Variants in RNF220 observed in about 807,000 individuals in gnomAD.
RNF220 encodes E3 ubiquitin-protein ligase RNF220.
In RNF220, 7 loss-of-function variants were observed where a neutral mutation model predicts 67.1. The observed-to-expected ratio is 0.10, with a 90% confidence interval of 0.06 to 0.20. The LOEUF is 0.20. Ranked by LOEUF, RNF220 falls within the 10% of genes least tolerant of loss-of-function variation. The pLI, the probability that RNF220 is intolerant of heterozygous loss-of-function variation, is 1.00. For synonymous variants in RNF220, 270 were observed against 283.2 expected (o/e 0.95, Z 0.47); for missense variants, 565 against 740.3 (o/e 0.76, Z 2.75).
intron 2 of RNF220, among the ~76,000 whole-genome samples, chr1:44,563,018 A>G (rs542416546): frequency 1.3e-5 from 2 of 152,344 alleles, no homozygotes; most frequent in South Asian, 4.1e-4. Flanking sequence ...CCCTGTAACC[A>G]AAAAACATGG....
In RNF220 at chr1:44,565,087, C is replaced by T. The variant is rs1179095479; in HGVS notation, c.626-49078C>T. On this transcript the variant is annotated intron_variant, in intron 2 of 14. Transcript: ENST00000361799. The surrounding 1 kb of genome is among the most constrained non-coding windows in gnomAD (Gnocchi z 4.2). Reference sequence around the variant, plus strand: ...CTCCATCCCCTGCGCATAGCATGGGCCTGGCCTTAGGACATGCTTGGTCAG... The same window carrying T: ...CTCCATCCCCTGCGCATAGCATGGGTCTGGCCTTAGGACATGCTTGGTCAG... 6.6e-6 allele frequency among the ~76,000 whole-genome samples: 1 copy of T among 152,186 alleles called. No homozygotes were observed. The highest frequency in any genetic ancestry group is 1.5e-5 in the Non-Finnish European group (1 of 68,042).
intron 2 of RNF220, among the ~76,000 whole-genome samples, chr1:44,597,544 CCCCT>C (rs769258650): frequency 3.6e-4 from 54 of 150,330 alleles, no homozygotes; most frequent in Non-Finnish European, 7.3e-4. Context: ...TCACGCTGTG[CCCCT>C]CCCTCCCATC....
intron 1 of RNF220, 69 bp downstream of exon 1, chr1:44,405,599 C>T: frequency 6.7e-6 from 2 of 299,060 alleles, no homozygotes; most frequent in Non-Finnish European, 1.2e-5. Flanking sequence ...GGGCGGCCGG[C>T]TTGTTCAGGA....
intron 2 of RNF220, among the ~76,000 whole-genome samples, chr1:44,456,836 C>A (rs1029271342): frequency 5.3e-5 from 8 of 152,120 alleles, no homozygotes; most frequent in Admixed American, 1.3e-4. Flanking sequence ...GCCTCATACC[C>A]CTCTGTCTCT....
intron 6 of RNF220, chr1:44,635,278 A>G: frequency 2.3e-6 from 1 of 432,156 alleles, no homozygotes; most frequent in South Asian, 6.0e-5. Flanking sequence ...CTGCAAATAG[A>G]AAGGTATGGG....
intron 2 of RNF220, among the ~76,000 whole-genome samples, chr1:44,595,817 G>A (rs1666439185): frequency 6.6e-6 from 1 of 151,982 alleles, no homozygotes; most frequent in South Asian, 2.1e-4. Flanking sequence ...AGGCTGGAGT[G>A]CAGTGGCGCA....
At chr1:44,485,319 G>A (rs1323966109) in intron 2 of RNF220, among the ~76,000 whole-genome samples, 1 of 152,146 alleles carries the variant, frequency 6.6e-6, no homozygotes, top group Non-Finnish European at 1.5e-5. Context: ...ACAAACTGAT[G>A]TCATGAGAAA....
At chr1:44,421,912 A>G (rs1404017535) in intron 2 of RNF220, among the ~76,000 whole-genome samples, 1 of 152,112 alleles carries the variant, frequency 6.6e-6, no homozygotes, top group East Asian at 1.9e-4. Context: ...CCTCATGCCC[A>G]CACATGTTTG....
chr1:44,526,929 T>G (rs1400543977), intron 2 of RNF220, among the ~76,000 whole-genome samples: 1 of 152,070 alleles, frequency 6.6e-6, no homozygotes, highest in East Asian at 1.9e-4. Flanking sequence ...ACTCATCTCT[T>G]TGGATCTTAT....
chr1:44,640,543 T>G (rs538720706), intron 8 of RNF220, among the ~76,000 whole-genome samples: 44 of 152,288 alleles, frequency 2.9e-4, no homozygotes, highest in Admixed American at 7.2e-4. Context: ...GTATCAATGG[T>G]TTTAAACGGC....
intron 2 of RNF220, among the ~76,000 whole-genome samples, chr1:44,442,215 C>T (rs1240783297): frequency 6.6e-6 from 1 of 152,126 alleles, no homozygotes. Context: ...GCAGCCTCGG[C>T]CTCCCTTCCT....
intron 2 of RNF220, among the ~76,000 whole-genome samples, chr1:44,577,566 G>A (rs971414536): frequency 2.6e-5 from 4 of 152,264 alleles, no homozygotes; most frequent in East Asian, 1.9e-4. Flanking sequence ...AAATAGTGAC[G>A]AACAAAACCC....
chr1:44,441,416 C>T (rs1455967977), intron 2 of RNF220, among the ~76,000 whole-genome samples: 5 of 152,118 alleles, frequency 3.3e-5, no homozygotes, highest in Non-Finnish European at 7.3e-5. Context: ...ATTTTCTAAG[C>T]TGGCATGAGT....
intron 2 of RNF220, among the ~76,000 whole-genome samples, chr1:44,511,832 A>G (rs2148126148): frequency 6.6e-6 from 1 of 152,212 alleles, no homozygotes; most frequent in East Asian, 1.9e-4. Flanking sequence ...ATGTTCATCC[A>G]GTCAGTTTGG....
intron 2 of RNF220, among the ~76,000 whole-genome samples, chr1:44,611,174 G>C (rs1643289003): frequency 6.6e-6 from 1 of 152,202 alleles, no homozygotes; most frequent in East Asian, 1.9e-4. Context: ...TGAGAAAATG[G>C]GGGTGGGATG....
chr1:44,448,874 T>C (rs989456529), intron 2 of RNF220, among the ~76,000 whole-genome samples: 2 of 152,188 alleles, frequency 1.3e-5, no homozygotes, highest in Non-Finnish European at 2.9e-5. Flanking sequence ...GAGCCTGACT[T>C]TTATGTGGAA....
chr1:44,560,378 G>C (rs1417933558), intron 2 of RNF220, among the ~76,000 whole-genome samples: 2 of 152,196 alleles, frequency 1.3e-5, no homozygotes, highest in Non-Finnish European at 2.9e-5. Context: ...TGTCTTCATG[G>C]TCTTTCTTGC....
intron 2 of RNF220, among the ~76,000 whole-genome samples, chr1:44,432,482 C>G (rs4454583): frequency 0.72 from 109,911 of 151,974 alleles, 39,857 homozygotes; most frequent in East Asian, 0.8. Flanking sequence ...TGTTGGTCAG[C>G]CTGTTTCGAA....
chr1:44,442,772 C>A (rs1369970387), intron 2 of RNF220, among the ~76,000 whole-genome samples: 1 of 152,146 alleles, frequency 6.6e-6, no homozygotes, highest in African/African-American at 2.4e-5. Flanking sequence ...CCATCTAGGC[C>A]TCCCCAAGTG....
Sources: allele counts gnomAD v4.1 joint callset (sites outside exome capture counted in the v4.1 genomes callset), GRCh38; gene constraint gnomAD v4.1.1; non-coding constraint Gnocchi (gnomAD v3.1); transcripts MANE v1.5; gene names NCBI Gene and HGNC (gene_info 2026-07-23, HGNC 2026-07-21).